KANK1: variants seen among roughly 807,000 people sequenced by gnomAD.
KANK1 encodes KN motif and ankyrin repeat domain-containing protein 1.
A neutral mutation model predicts 106.2 loss-of-function variants in KANK1; 109 were observed. The ratio of observed to expected loss-of-function variants is 1.03; its 90% confidence interval spans 0.88 to 1.20. The LOEUF is 1.20. Among genes scored for constraint, KANK1 ranks in the 50% most tolerant of loss-of-function variants. The probability of loss-of-function intolerance (pLI) is 0.00; values close to 1 mark genes in which losing one functional copy is unlikely to be tolerated. For missense variants in KANK1, 2,399 were observed against 1,710.7 expected (o/e 1.40, Z -7.10); for synonymous variants, 873 against 652.2 (o/e 1.34, Z -5.16).
chr9:737,877 A>G (rs6477180), intron 7 of KANK1, among the ~76,000 whole-genome samples: 24,538 of 152,250 alleles, frequency 0.16, 4,191 homozygotes, highest in African/African-American at 0.43. Context: ...ATAGCTTAAT[A>G]AATGGAGCCA....
rs1826186881 is a variant in KANK1 at position 711,831 on chromosome 9, G to C, written c.1065G>C (p.Glu355Asp). The C allele has an allele frequency of 1.9e-6, 3 of 1,614,036 alleles. No individual in the cohort carries two copies. In the African/African-American group the frequency reaches 4.0e-5, roughly 22 times the overall value. The change falls in exon 3 of 12, where the codon GAG becomes GAC. Residue 355 changes from glutamate (E) to aspartate (D), a missense_variant. Transcript: ENST00000382297. The part of the protein sequence containing the change: ...LYIDYEEEEM[E>D]TVEQSTQRIK... ...TTGACTATGAGGAGGAAGAAATGGA[G>C]ACCGTAGAACAGAGCACGCAGAGGA...
intron 1 of KANK1, among the ~76,000 whole-genome samples, chr9:669,743 C>T (rs1323277706): frequency 1.3e-5 from 2 of 152,018 alleles, no homozygotes; most frequent in African/African-American, 4.8e-5. Flanking sequence ...GTTTTCTGAC[C>T]TTCCTCTACC....
chr9:652,496 C>G (rs1047633644), intron 1 of KANK1, among the ~76,000 whole-genome samples: 2 of 152,122 alleles, frequency 1.3e-5, no homozygotes, highest in South Asian at 4.1e-4. Flanking sequence ...GCACTCCAGC[C>G]TGGGCGACAA....
intron 1 of KANK1, among the ~76,000 whole-genome samples, chr9:655,022 C>A (rs1029323995): frequency 1.3e-5 from 2 of 152,010 alleles, no homozygotes; most frequent in African/African-American, 4.8e-5. Context: ...CTGCTCAGGT[C>A]TCACCCCCAG....
intron 7 of KANK1, among the ~76,000 whole-genome samples, chr9:736,663 G>A (rs565060242): frequency 1.2e-3 from 182 of 151,576 alleles, no homozygotes; most frequent in Non-Finnish European, 2.1e-3. Context: ...TCATGCCACT[G>A]CACTCCAGCC....
At chr9:598,534 A>AGTGTCTTGTAATTTCCAGT (rs1364686681) in intron 1 of KANK1, among the ~76,000 whole-genome samples, 20 of 148,848 alleles carry the variant, frequency 1.3e-4, no homozygotes, top group Admixed American at 1.3e-3. Flanking sequence ...ATTCTTCAGC[A>AGTGTCTTGTAATTTCCAGT]GTGTCTTGTA....
chr9:730,463 A>AGAG (rs1466217433), intron 4 of KANK1: 160 of 533,154 alleles, frequency 3.0e-4, no homozygotes, highest in Non-Finnish European at 4.5e-4. Context: ...AGGCCAAGGC[A>AGAG]GGCAGATCAT....
intron 1 of KANK1, among the ~76,000 whole-genome samples, chr9:558,411 G>A (rs759046080): frequency 6.6e-6 from 1 of 152,208 alleles, no homozygotes; most frequent in Non-Finnish European, 1.5e-5. Flanking sequence ...TGAGCCTCTG[G>A]TTATAACGAT....
chr9:708,696 G>A (rs1157290521), intron 2 of KANK1, among the ~76,000 whole-genome samples: 2 of 152,172 alleles, frequency 1.3e-5, no homozygotes, highest in African/African-American at 4.8e-5. Flanking sequence ...GGTTGGGAGG[G>A]CAGACAGCAA....
intron 1 of KANK1, among the ~76,000 whole-genome samples, chr9:665,645 A>G (rs1175948253): frequency 6.6e-6 from 1 of 152,050 alleles, no homozygotes; most frequent in African/African-American, 2.4e-5. Flanking sequence ...TGCTTTGGTT[A>G]TTTGTGGTTC....
chr9:556,848 T>C (rs1412360241), intron 1 of KANK1, among the ~76,000 whole-genome samples: 9 of 152,174 alleles, frequency 5.9e-5, no homozygotes, highest in Admixed American at 1.3e-4. Flanking sequence ...TAGGGCTCAT[T>C]CCTCCCTGCC....
intron 1 of KANK1, among the ~76,000 whole-genome samples, chr9:617,330 T>C (rs1267466499): frequency 6.6e-6 from 1 of 152,174 alleles, no homozygotes; most frequent in Non-Finnish European, 1.5e-5. Context: ...CTTCAAAGGA[T>C]AAATGGAATT....
At position 504,764 on chromosome 9, in the gene KANK1, G is replaced by GC. The variant is rs1587299935; in HGVS notation, c.-84+11dup. On this transcript the variant is annotated intron_variant, in intron 1 of 11. Transcript: ENST00000382297. ...GGAGGAGCGGCCGAAGGTGAGTGACGCGGCGGGGCCGTGCCGCGCCCCGTG... is the reference window on the plus strand; with the variant it reads ...GGAGGAGCGGCCGAAGGTGAGTGACGCCGGCGGGGCCGTGCCGCGCCCCGTG... 2.2e-5 allele frequency: 1 copy of GC among 45,866 alleles called. No individual in the cohort carries two copies. The highest frequency in any genetic ancestry group is 9.1e-5 in the African/African-American group (1 of 11,030). The allele number at this position is 45,866 out of a possible 1,614,324, so 2.8% of individuals were successfully genotyped here.
chr9:482,426 G>A (rs763002251), intron 3 of KANK1, among the ~76,000 whole-genome samples: 8 of 152,158 alleles, frequency 5.3e-5, no homozygotes, highest in Non-Finnish European at 8.8e-5. Context: ...GGCTTACAAC[G>A]TGCCAGAATC....
chr9:661,947 C>G (rs547622919), intron 1 of KANK1, among the ~76,000 whole-genome samples: 1 of 152,212 alleles, frequency 6.6e-6, no homozygotes, highest in South Asian at 2.1e-4. Context: ...CTGTTCATGT[C>G]CTTCGCCCAC....
At position 732,520 on chromosome 9, in the gene KANK1, C is replaced by T. The variant is rs1035552085; in HGVS notation, c.3148C>T (p.His1050Tyr). The T allele has an allele frequency of 1.2e-6, 2 of 1,614,080 alleles. No individual in the cohort carries two copies. Among genetic ancestry groups the T allele is most frequent in the Non-Finnish European group, 1.7e-6 (2 of 1,180,016 alleles). ...DEDTRGMAEG[H>Y]HAVNIEGLKS... ...AGACACTCGGGGAATGGCAGAAGGG[C>T]ACCATGCAGTTAATATTGAAGGTTT... The change falls in exon 6 of 12, where the codon CAC becomes TAC. Residue 1050 changes from histidine to tyrosine, a missense_variant. His to Tyr is a moderately conservative substitution (Grantham distance 83). Coordinates refer to ENST00000382297, the MANE Select transcript of KANK1 (RefSeq NM_015158.5).
At chr9:498,648 A>G (rs1295110299) in intron 3 of KANK1, among the ~76,000 whole-genome samples, 1 of 152,258 alleles carries the variant, frequency 6.6e-6, no homozygotes, top group Admixed American at 6.5e-5. Context: ...ACATTTCTCC[A>G]AAGAAAATAT....
chr9:662,265 A>G (rs1843500857), intron 1 of KANK1, among the ~76,000 whole-genome samples: 2 of 152,216 alleles, frequency 1.3e-5, no homozygotes, highest in African/African-American at 4.8e-5. Flanking sequence ...GGTAATTTAT[A>G]GGTTCAGTGC....
At chr9:676,570 G>A (rs1588829454) in intron 1 of KANK1, among the ~76,000 whole-genome samples, 2 of 152,272 alleles carry the variant, frequency 1.3e-5, no homozygotes, top group South Asian at 4.1e-4. Context: ...AAAATATTTC[G>A]TAGAGTGCTA....
Sources: gnomAD v4.1 joint callset for allele counts (sites outside exome capture counted in the v4.1 genomes callset) on GRCh38, gnomAD v4.1.1 for gene constraint, MANE v1.5 for transcripts, NCBI Gene and HGNC (gene_info 2026-07-23, HGNC 2026-07-21) for gene names.